CNBD1: variants seen among roughly 807,000 people sequenced by gnomAD.
CNBD1 encodes the protein cyclic nucleotide binding domain containing 1.
A neutral mutation model predicts 54.4 loss-of-function variants in CNBD1; 71 were observed. That is an observed-to-expected ratio of 1.30 (90% confidence interval 1.08 to 1.59). The LOEUF (loss-of-function observed/expected upper bound fraction) is 1.59, where lower values mean the gene tolerates loss of function less well. Among genes scored for constraint, CNBD1 ranks in the 40% most tolerant of loss-of-function variants. The pLI, the probability that CNBD1 is intolerant of heterozygous loss-of-function variation, is 0.00. For missense variants in CNBD1, 659 were observed against 518.0 expected (o/e 1.27, Z -2.64); for synonymous variants, 182 against 170.7 (o/e 1.07, Z -0.51).
At chr8:87,369,680 T>A (rs1450967118) in intron 10 of CNBD1, among the ~76,000 whole-genome samples, 1 of 151,994 alleles carries the variant, frequency 6.6e-6, no homozygotes, top group Admixed American at 6.6e-5. Context: ...TTAGTACCAT[T>A]GAGTATCATT....
At chr8:87,013,437 GCA>G (rs1173569943) in intron 4 of CNBD1, among the ~76,000 whole-genome samples, 1 of 151,958 alleles carries the variant, frequency 6.6e-6, no homozygotes, top group Non-Finnish European at 1.5e-5. Context: ...TGGTCTTTGT[GCA>G]CAGTTTACTT....
chr8:87,223,486 G>A lies in CNBD1; in HGVS notation c.578-13433G>A, dbSNP rs528385497. 1.4e-3 allele frequency among the ~76,000 whole-genome samples: 206 copies of A among 150,238 alleles called. 1 individual carries two copies. Among genetic ancestry groups the A allele is most frequent in the African/African-American group, 4.8e-3 (197 of 40,830 alleles). ...AATTCCCACCTATGAGTGAGAATATGCAGTGTTTGGTTTTTTGTTCTTGCG... is the reference window on the plus strand; with the variant it reads ...AATTCCCACCTATGAGTGAGAATATACAGTGTTTGGTTTTTTGTTCTTGCG... On this transcript the variant is annotated intron_variant, in intron 5 of 10. Coordinates refer to ENST00000518476, the MANE Select transcript of CNBD1 (RefSeq NM_173538.3).
At chr8:87,044,399 G>C (rs1037821965) in intron 4 of CNBD1, 8 of 151,952 alleles carry the variant, frequency 5.3e-5, no homozygotes, top group African/African-American at 1.9e-4. Context: ...ATGTTTTCTG[G>C]GGTGTTATCT....
At chr8:87,266,192 A>G (rs1032582635) in intron 6 of CNBD1, among the ~76,000 whole-genome samples, 6 of 151,916 alleles carry the variant, frequency 3.9e-5, no homozygotes, top group Non-Finnish European at 7.4e-5. Flanking sequence ...TTGGAAAAAA[A>G]AATCCAAACA....
chr8:87,352,987 G>A (rs942624076), intron 9 of CNBD1, among the ~76,000 whole-genome samples: 1 of 152,034 alleles, frequency 6.6e-6, no homozygotes, highest in Non-Finnish European at 1.5e-5. Context: ...ATATCTTAGT[G>A]GTCATCAACT....
At chr8:87,318,939 A>G (rs933564498) in intron 8 of CNBD1, among the ~76,000 whole-genome samples, 3 of 152,102 alleles carry the variant, frequency 2.0e-5, no homozygotes, top group African/African-American at 7.2e-5. Flanking sequence ...TAGGAGAGCT[A>G]AGGCTCATCA....
In CNBD1 at chr8:86,939,704, A is replaced by G. The variant is rs1002085710; in HGVS notation, c.381A>G (p.Pro127=). 8 of 1,592,656 alleles carry G rather than the reference A, an allele frequency of 5.0e-6. No homozygotes were observed. Among genetic ancestry groups the G allele is most frequent in the Non-Finnish European group, 5.1e-6 (6 of 1,167,050 alleles). The change falls in exon 4 of 11, where the codon CCA becomes CCG. Residue 127 remains proline, a synonymous_variant. Transcript: ENST00000518476. ...ATGGTGGCCATATTTTATATAGACC[A>G]AAAAGAGCCACAGAGAAATTTGAAG... ...RAHGGHILYR[P]KRATEKFEEF... is the part of the protein sequence containing the mutation.
intron 4 of CNBD1, among the ~76,000 whole-genome samples, chr8:87,009,357 G>A (rs1228625096): frequency 6.6e-6 from 1 of 151,990 alleles, no homozygotes; most frequent in African/African-American, 2.4e-5. Context: ...CTGGAGTGCA[G>A]TGGAGTGATC....
At chr8:86,959,783 G>A (rs537589256) in intron 4 of CNBD1, among the ~76,000 whole-genome samples, 8 of 152,172 alleles carry the variant, frequency 5.3e-5, no homozygotes, top group East Asian at 1.9e-4. Context: ...GCTTCCTTGC[G>A]ATGGGCTCAA....
chr8:86,876,978 T>C (rs1285487813), intron 1 of CNBD1, among the ~76,000 whole-genome samples: 3 of 152,086 alleles, frequency 2.0e-5, no homozygotes, highest in Non-Finnish European at 4.4e-5. Context: ...AGTTTGATTC[T>C]ATACCTAAAT....
At chr8:87,425,783 C>T (rs1219479083) in intron 2 of CNBD1, among the ~76,000 whole-genome samples, 1 of 152,028 alleles carries the variant, frequency 6.6e-6, no homozygotes, top group Non-Finnish European at 1.5e-5. Flanking sequence ...TTTGTCTGTG[C>T]CCTGCCCCCA....
In CNBD1 at chr8:87,306,429, G is replaced by A. The variant is rs181478407; in HGVS notation, c.1042+19758G>A. 4.0e-3 allele frequency among the ~76,000 whole-genome samples: 603 copies of A among 152,192 alleles called. 8 individuals are homozygous for A. Among genetic ancestry groups the A allele is most frequent in the African/African-American group, 0.014 (565 of 41,536 alleles). Reference sequence around the variant, plus strand: ...CTCAGAAGAAAATAAGTTATTATTCGAAAAAGATATTTGCACACGCATGTT... The same window carrying A: ...CTCAGAAGAAAATAAGTTATTATTCAAAAAAGATATTTGCACACGCATGTT... On this transcript the variant is annotated intron_variant, in intron 8 of 10. Coordinates refer to ENST00000518476, the MANE Select transcript of CNBD1 (RefSeq NM_173538.3).
downstream of CNBD1, among the ~76,000 whole-genome samples, chr8:87,386,563 A>C (rs906026310): frequency 6.6e-6 from 1 of 152,192 alleles, no homozygotes; most frequent in Non-Finnish European, 1.5e-5. Flanking sequence ...GAGAAAAAAG[A>C]ATAAAAAGAA....
intron 5 of CNBD1, among the ~76,000 whole-genome samples, chr8:87,234,302 A>G (rs898797947): frequency 1.3e-5 from 2 of 152,174 alleles, no homozygotes; most frequent in African/African-American, 4.8e-5. Context: ...AGAATAATGA[A>G]TCTTTTCCAG....
chr8:87,367,531 C>G (rs957849213), intron 10 of CNBD1, among the ~76,000 whole-genome samples: 1 of 151,874 alleles, frequency 6.6e-6, no homozygotes, highest in Non-Finnish European at 1.5e-5. Context: ...TTCTCCACAT[C>G]TATTAAAAAA....
intron 6 of CNBD1, among the ~76,000 whole-genome samples, chr8:87,248,075 T>G (rs895198359): frequency 5.9e-5 from 9 of 152,178 alleles, no homozygotes; most frequent in African/African-American, 1.9e-4. Context: ...AGCTGTGGTG[T>G]TGTTGGTTGG....
chr8:86,940,518 C>T (rs1809635970), intron 4 of CNBD1, among the ~76,000 whole-genome samples: 2 of 151,932 alleles, frequency 1.3e-5, no homozygotes, highest in African/African-American at 2.4e-5. Flanking sequence ...GACACAACTG[C>T]CTGAAGAAGG....
At chr8:87,376,972 CA>C (rs144670136) in intron 10 of CNBD1, among the ~76,000 whole-genome samples, 1,808 of 150,016 alleles carry the variant, frequency 0.012, 39 homozygotes, top group African/African-American at 0.039. Context: ...TATTCTGGCT[CA>C]TATACAATAC....
chr8:86,973,544 A>G (rs532973041), intron 4 of CNBD1, among the ~76,000 whole-genome samples: 12 of 152,316 alleles, frequency 7.9e-5, no homozygotes, highest in Admixed American at 3.9e-4. Flanking sequence ...GACTCTAGCT[A>G]TTATTATTAG....
Sources: gnomAD v4.1 joint callset for allele counts (sites outside exome capture counted in the v4.1 genomes callset) on GRCh38, gnomAD v4.1.1 for gene constraint, MANE v1.5 for transcripts, NCBI Gene and HGNC (gene_info 2026-07-23, HGNC 2026-07-21) for gene names.